Variants in HPSE2 observed in about 807,000 individuals in gnomAD.
HPSE2 encodes inactive heparanase-2.
A neutral mutation model predicts 60.5 loss-of-function variants in HPSE2; 38 were observed. The ratio of observed to expected loss-of-function variants is 0.63; its 90% CI spans 0.48 to 0.82. HPSE2 has a LOEUF of 0.82. Ranked by LOEUF, HPSE2 falls within the 40% of genes least tolerant of loss-of-function variation. The pLI, the probability that HPSE2 is intolerant of heterozygous loss-of-function variation, is 0.00. For missense variants in HPSE2, 713 were observed against 740.4 expected, an observed-to-expected ratio of 0.96 and a Z score of 0.43; for synonymous variants, 295 against 293.2, an observed-to-expected ratio of 1.01 and a Z score of -0.06.
chr10:99,126,205 T>A lies in HPSE2; in HGVS notation c.610+18033A>T, dbSNP rs542755556. Among the ~76,000 whole-genome samples, 30 of 152,106 alleles carry A rather than the reference T, an allele frequency of 2.0e-4. No individual in the cohort carries two copies. The highest frequency in any genetic ancestry group is 1.8e-3 in the Admixed American group (28 of 15,274). On this transcript the variant is annotated intron_variant, in intron 3 of 11. Transcript: ENST00000370552. The surrounding 1 kb of genome is among the most constrained non-coding windows in gnomAD (Gnocchi z 4.0). ...ACCAGCTATGCCCCCACTTCCCTGGTGAACTATGTGACACAGCAGAGGCAG... is the reference window on the plus strand; with the variant it reads ...ACCAGCTATGCCCCCACTTCCCTGGAGAACTATGTGACACAGCAGAGGCAG...
intron 3 of HPSE2, among the ~76,000 whole-genome samples, chr10:98,764,226 TG>T (rs921863753): frequency 6.6e-6 from 1 of 152,154 alleles, no homozygotes; most frequent in Admixed American, 6.5e-5. Flanking sequence ...TTTTAATTCC[TG>T]AAGAGGTCAT....
At chr10:99,173,168 AG>A (rs1847384002) in intron 2 of HPSE2, among the ~76,000 whole-genome samples, 1 of 152,162 alleles carries the variant, frequency 6.6e-6, no homozygotes, top group Non-Finnish European at 1.5e-5. Context: ...CAGGTTCTGG[AG>A]AGATGTCAGA....
At chr10:99,134,934 G>A (rs1043026100) in intron 3 of HPSE2, among the ~76,000 whole-genome samples, 1 of 152,122 alleles carries the variant, frequency 6.6e-6, no homozygotes, top group Non-Finnish European at 1.5e-5. Context: ...ATTGGATAAA[G>A]AGTCAAGATC....
chr10:98,664,478 G>A (rs920678574), intron 6 of HPSE2, among the ~76,000 whole-genome samples: 2 of 152,130 alleles, frequency 1.3e-5, no homozygotes, highest in African/African-American at 4.8e-5. Context: ...CAAAGGAAAC[G>A]TGGGCACAGT....
At chr10:98,968,910 G>A (rs538095577) in intron 3 of HPSE2, among the ~76,000 whole-genome samples, 10 of 151,918 alleles carry the variant, frequency 6.6e-5, no homozygotes, top group African/African-American at 2.2e-4. Context: ...CTCAGGTGAC[G>A]GGTTCACCAA....
chr10:98,684,659 T>C (rs1403674056), intron 6 of HPSE2, among the ~76,000 whole-genome samples: 1 of 152,120 alleles, frequency 6.6e-6, no homozygotes, highest in African/African-American at 2.4e-5. Flanking sequence ...TCATCTTCCA[T>C]AGGAGCATCA....
intron 3 of HPSE2, among the ~76,000 whole-genome samples, chr10:98,851,281 A>AG (rs1343233228): frequency 1.3e-5 from 2 of 152,186 alleles, no homozygotes; most frequent in African/African-American, 2.4e-5. Context: ...CTGAGCAGAG[A>AG]GGGGGCCTCT....
chr10:98,794,615 T>G (rs1474858400), intron 3 of HPSE2, among the ~76,000 whole-genome samples: 1 of 152,210 alleles, frequency 6.6e-6, no homozygotes, highest in African/African-American at 2.4e-5. Context: ...TGAAATTTTT[T>G]TAAAGAACTT....
intron 3 of HPSE2, 22 bp downstream of exon 3, chr10:99,144,216 C>T (rs749427275): frequency 3.7e-6 from 6 of 1,612,408 alleles, no homozygotes. Context: ...TCTAAGATTT[C>T]AACCAACTCC....
At chr10:98,867,261 C>T (rs1025489066) in intron 3 of HPSE2, among the ~76,000 whole-genome samples, 4 of 149,298 alleles carry the variant, frequency 2.7e-5, no homozygotes, top group African/African-American at 7.4e-5. Flanking sequence ...GGGATTATAC[C>T]AGAATATATA....
chr10:98,633,862 T>C (rs370241693), intron 7 of HPSE2, among the ~76,000 whole-genome samples: 11 of 152,302 alleles, frequency 7.2e-5, no homozygotes, highest in East Asian at 3.9e-4. Flanking sequence ...AAAGCCTTAG[T>C]GTGAATTTAA....
At chr10:98,589,204 A>C (rs1330880914) in intron 9 of HPSE2, among the ~76,000 whole-genome samples, 2 of 152,206 alleles carry the variant, frequency 1.3e-5, no homozygotes, top group South Asian at 4.1e-4. Context: ...GCACAATCCC[A>C]TGCATTGTAT....
chr10:98,901,221 C>T (rs149975791), intron 3 of HPSE2, among the ~76,000 whole-genome samples: 36 of 152,164 alleles, frequency 2.4e-4, no homozygotes, highest in African/African-American at 8.2e-4. Context: ...AGGTGTTAGC[C>T]AAGGAGGAGC....
chr10:99,138,418 T>G (rs567650375), intron 3 of HPSE2, among the ~76,000 whole-genome samples: 2 of 152,256 alleles, frequency 1.3e-5, no homozygotes, highest in East Asian at 3.9e-4. Context: ...TATAAATCAT[T>G]CTACTATAAA....
At chr10:99,274,683 G>C in the HPSE2 span, among the ~76,000 whole-genome samples, 1 of 152,168 alleles carries the variant, frequency 6.6e-6, no homozygotes, top group Non-Finnish European at 1.5e-5. Flanking sequence ...GGAGCAGCTG[G>C]AAGCTTTCAG....
intron 6 of HPSE2, among the ~76,000 whole-genome samples, chr10:98,652,312 G>T (rs1345729743): frequency 6.6e-6 from 1 of 152,136 alleles, no homozygotes; most frequent in African/African-American, 2.4e-5. Context: ...GTGCATTGGG[G>T]ATCTTTTGGT....
chr10:98,838,559 T>C (rs1003252199), intron 3 of HPSE2, among the ~76,000 whole-genome samples: 6 of 151,420 alleles, frequency 4.0e-5, no homozygotes, highest in Non-Finnish European at 7.4e-5. Context: ...CGAGTAGCTG[T>C]GATTACAGGC....
chr10:99,302,966 A>C, the HPSE2 span, among the ~76,000 whole-genome samples: 1 of 151,524 alleles, frequency 6.6e-6, no homozygotes, highest in Non-Finnish European at 1.5e-5. Flanking sequence ...GGTGGACTGA[A>C]GCTTTCCCTA....
intron 3 of HPSE2, among the ~76,000 whole-genome samples, chr10:98,988,254 G>A (rs1426472769): frequency 3.5e-4 from 53 of 152,390 alleles, no homozygotes; most frequent in Non-Finnish European, 5.6e-4. Context: ...ATACTACAAG[G>A]CTACAGTAAC....
Sources: allele counts gnomAD v4.1 joint callset (sites outside exome capture counted in the v4.1 genomes callset), GRCh38; gene constraint gnomAD v4.1.1; non-coding constraint Gnocchi (gnomAD v3.1); transcripts MANE v1.5; gene names NCBI Gene and HGNC (gene_info 2026-07-23, HGNC 2026-07-21).